NLRC4: variants seen among roughly 807,000 people sequenced by gnomAD.
NLRC4 encodes the protein NLR family CARD domain containing 4, also known as NLR family CARD domain-containing protein 4.
Under a neutral mutation model 79.9 loss-of-function variants are expected in NLRC4, and 63 were observed. The observed-to-expected ratio is 0.79, with a 90% CI of 0.64 to 0.97. The LOEUF (loss-of-function observed/expected upper bound fraction) is 0.97, where lower values mean the gene tolerates loss of function less well. Among genes scored for constraint, NLRC4 ranks in the 50% least tolerant of loss-of-function variants. The pLI is 0.00. For missense variants in NLRC4, 1,074 were observed against 1,215.2 expected, an observed-to-expected ratio of 0.88 and a Z score of 1.73; for synonymous variants, 461 against 456.5, an observed-to-expected ratio of 1.01 and a Z score of -0.12.
At chr2:32,244,944 TAGTG>T (rs1394458322) in intron 4 of NLRC4, among the ~76,000 whole-genome samples, 4 of 150,952 alleles carry the variant, frequency 2.6e-5, no homozygotes, top group South Asian at 2.1e-4. Context: ...GAGAAAAAAT[TAGTG>T]AGGTAGCGAG....
chr2:32,242,973 A>G (rs1244200920), intron 4 of NLRC4, among the ~76,000 whole-genome samples: 2 of 152,134 alleles, frequency 1.3e-5, no homozygotes, highest in Non-Finnish European at 2.9e-5. Flanking sequence ...GCTTGAGCCC[A>G]GGAGTTCAAG....
chr2:32,247,472 G>A (rs900428628), intron 4 of NLRC4, among the ~76,000 whole-genome samples: 2 of 151,170 alleles, frequency 1.3e-5, no homozygotes, highest in Non-Finnish European at 2.9e-5. Flanking sequence ...GTGCCACCAC[G>A]CCCGGCTAAT....
At chr2:32,233,140 GGAAGGAAGGAAGGAAGGA>G (rs1686580121) in intron 8 of NLRC4, among the ~76,000 whole-genome samples, 7 of 13,106 alleles carry the variant, frequency 5.3e-4, no homozygotes, top group African/African-American at 2.6e-3. Context: ...GAGGGAGGAA[GGAAGGAAGGAAGGAAGGA>G]AGGAAGGAAG....
At chr2:32,256,298 A>C (rs1056442497) in intron 2 of NLRC4, among the ~76,000 whole-genome samples, 12 of 152,186 alleles carry the variant, frequency 7.9e-5, no homozygotes, top group African/African-American at 2.7e-4. Flanking sequence ...AGTGCTTGAA[A>C]TCTGGCTACA....
rs1011869202 is a variant in NLRC4, at chr2:32,254,362, T to G, written c.2-1683A>C. 7.2e-4 allele frequency among the ~76,000 whole-genome samples: 109 copies of G among 151,936 alleles called. 2 individuals are homozygous for G. The highest frequency in any genetic ancestry group is 1.2e-3 in the Non-Finnish European group (82 of 68,034). ...AGAGCACATTGTATCTCCACAGACT[T>G]TGGTCTTTTCTGAAGAGTATCACAT... On this transcript the variant is annotated intron_variant, in intron 2 of 8. Transcript: ENST00000402280.
At chr2:32,225,874 A>G (rs1305091611) in intron 8 of NLRC4, among the ~76,000 whole-genome samples, 1 of 152,204 alleles carries the variant, frequency 6.6e-6, no homozygotes, top group African/African-American at 2.4e-5. Flanking sequence ...TGGAGGGTTA[A>G]TTTGTTGTAT....
rs1159790411 is a variant in NLRC4, at chr2:32,252,434, C to G, written c.247G>C (p.Asp83His). The change falls in exon 3 of 9, where the codon GAC becomes CAC. Residue 83 changes from aspartate (D) to histidine (H), a missense_variant. By Grantham distance (81) the Asp-to-His change is moderately conservative. Transcript: ENST00000402280. The stretch of plus-strand genomic sequence containing the variant: ...TGATACTTACTTTGTCCATTCAAGT[C>G]CTGAAATAGAGGATAGTTCCACTCC... ...LKEWNYPLFQDLNGQSLFHQT... is the reference protein window; with the variant it reads ...LKEWNYPLFQHLNGQSLFHQT... 1.9e-6 allele frequency: 3 copies of G among 1,609,610 alleles called. No homozygotes were observed. The highest frequency in any genetic ancestry group is 2.7e-5 in the African/African-American group (2 of 74,818).
chr2:32,240,327 G>A (rs1342261544), intron 5 of NLRC4, among the ~76,000 whole-genome samples: 1 of 147,478 alleles, frequency 6.8e-6, no homozygotes, highest in African/African-American at 2.5e-5. Flanking sequence ...TCGGCAGGAA[G>A]CAGAATAAGA....
At chr2:32,243,286 TG>T (rs1486654922) in intron 4 of NLRC4, among the ~76,000 whole-genome samples, 1 of 146,936 alleles carries the variant, frequency 6.8e-6, no homozygotes, top group African/African-American at 2.5e-5. Context: ...GGCAGGCGCC[TG>T]TAATCCCAGC....
intron 6 of NLRC4, 58 bp from the exon 7 acceptor site, chr2:32,236,397 T>C: frequency 9.7e-7 from 1 of 1,035,648 alleles, no homozygotes; most frequent in Non-Finnish European, 1.4e-6. Flanking sequence ...AAATGTATTT[T>C]GAAGTATCCT....
At chr2:32,255,034 A>C (rs1016000127) in intron 2 of NLRC4, among the ~76,000 whole-genome samples, 14 of 151,428 alleles carry the variant, frequency 9.2e-5, no homozygotes, top group Non-Finnish European at 1.5e-4. Context: ...CCAGGACCCC[A>C]CCCCAGCCGT....
At chr2:32,225,785 A>C (rs1419358402) in intron 8 of NLRC4, among the ~76,000 whole-genome samples, 2 of 152,202 alleles carry the variant, frequency 1.3e-5, no homozygotes, top group Non-Finnish European at 2.9e-5. Context: ...AAAATGCAGA[A>C]GATGTATGCC....
chr2:32,234,755 C>G (rs1016164993), intron 8 of NLRC4, among the ~76,000 whole-genome samples: 1 of 152,212 alleles, frequency 6.6e-6, no homozygotes, highest in Non-Finnish European at 1.5e-5. Flanking sequence ...GAAGGAGATC[C>G]TCCAGCAGCC....
intron 8 of NLRC4, among the ~76,000 whole-genome samples, chr2:32,233,710 G>A (rs1006790195): frequency 6.6e-6 from 1 of 152,020 alleles, no homozygotes; most frequent in East Asian, 1.9e-4. Flanking sequence ...CCTAACATGT[G>A]GTCTATCCTT....
chr2:32,239,093 C>T (rs189934143), intron 5 of NLRC4, among the ~76,000 whole-genome samples: 70 of 152,166 alleles, frequency 4.6e-4, no homozygotes, highest in African/African-American at 1.6e-3. Context: ...CCAGCCTGTC[C>T]AACATGGCGG....
intron 4 of NLRC4, among the ~76,000 whole-genome samples, chr2:32,243,524 A>C (rs183536017): frequency 5.3e-5 from 8 of 150,504 alleles, no homozygotes; most frequent in African/African-American, 1.9e-4. Flanking sequence ...ATATTACGGC[A>C]GGCGTGGTGG....
At chr2:32,235,594 G>A in intron 7 of NLRC4, 26 bp from the exon 8 acceptor site, 2 of 1,600,394 alleles carry the variant, frequency 1.2e-6, no homozygotes, top group Non-Finnish European at 1.7e-6. Flanking sequence ...AGCAGTTCAG[G>A]GACTGGATGG....
At chr2:32,254,364 G>A (rs1323677891) in intron 2 of NLRC4, among the ~76,000 whole-genome samples, 1 of 151,816 alleles carries the variant, frequency 6.6e-6, no homozygotes, top group African/African-American at 2.4e-5. Context: ...CACAGACTTT[G>A]GTCTTTTCTG....
intron 4 of NLRC4, among the ~76,000 whole-genome samples, chr2:32,242,830 T>C (rs940440765): frequency 2.6e-5 from 4 of 152,152 alleles, no homozygotes; most frequent in African/African-American, 9.7e-5. Context: ...GAGGATCACT[T>C]GAGGCCAGGA....
Sources: allele counts gnomAD v4.1 joint callset (sites outside exome capture counted in the v4.1 genomes callset), GRCh38; gene constraint gnomAD v4.1.1; transcripts MANE v1.5; gene names NCBI Gene and HGNC (gene_info 2026-07-23, HGNC 2026-07-21).